The following ZNF790 variants were observed in gnomAD, a reference collection of about 807,000 sequenced individuals.
ZNF790 encodes the protein zinc finger protein 790.
ZNF790 carries 8 observed loss-of-function variants against 12.1 expected under a neutral mutation model. That is an observed-to-expected ratio of 0.66 (90% CI 0.39 to 1.19). The LOEUF is 1.19. Ranked by LOEUF, ZNF790 falls within the 50% of genes most tolerant of loss-of-function variation. ZNF790 has a pLI of 0.01. For synonymous variants in ZNF790, 252 were observed against 244.3 expected (o/e 1.03, Z -0.29); for missense variants, 707 against 752.2 (o/e 0.94, Z 0.70).
intron 1 of ZNF790, chr19:36,827,822 G>C (rs1345031029): frequency 6.6e-6 from 1 of 152,076 alleles, no homozygotes. Flanking sequence ...TAAAAAATAG[G>C]GTATAGAGTT....
At chr19:36,827,789 A>G (rs2071862560) in intron 1 of ZNF790, 1 of 152,228 alleles carries the variant, frequency 6.6e-6, no homozygotes, top group South Asian at 2.1e-4. Flanking sequence ...CGTATAAAGC[A>G]GGGATCCTGT....
chr19:36,844,297 CA>C (rs1340684129), intron 1 of ZNF790, among the ~76,000 whole-genome samples: 1 of 147,770 alleles, frequency 6.8e-6, no homozygotes, highest in African/African-American at 2.5e-5. Context: ...AGCAATAAAG[CA>C]AGACCCTGTC....
Position 36,819,663 on chromosome 19 carries a change from T to C in ZNF790, c.681A>G (p.Glu227=). 6.2e-7 allele frequency: 1 copy of C among 1,610,260 alleles called. No homozygotes were observed. The highest frequency in any genetic ancestry group is 8.5e-7 in the Non-Finnish European group (1 of 1,178,030). ...TAAAAGACTTCCCACATTCTTTACA[T>C]TCATATGTTTTCTTAACAGTGTGAA... is the stretch of plus-strand genomic sequence containing the variant. ...QTVHTVKKTY[E]CKECGKSFSL... Residue 227 remains glutamate (E), a synonymous_variant, in exon 5 of 5, where the codon GAA becomes GAG. Transcript: ENST00000356725.
At chr19:36,846,302 T>C (rs148319020) in intron 1 of ZNF790, among the ~76,000 whole-genome samples, 58 of 152,184 alleles carry the variant, frequency 3.8e-4, no homozygotes, top group Non-Finnish European at 4.6e-4. Context: ...CTCACGCCTG[T>C]AGTCCCAGCA....
chr19:36,831,277 A>T (rs2071940680), intron 1 of ZNF790, among the ~76,000 whole-genome samples: 2 of 152,224 alleles, frequency 1.3e-5, no homozygotes, highest in Admixed American at 1.3e-4. Flanking sequence ...ATTAAAAAAA[A>T]AGTATGATGC....
rs1055090078 is a variant in ZNF790, at chr19:36,823,519, C to A, written c.134-139G>T. 84 of 1,240,116 alleles carry A rather than the reference C, an allele frequency of 6.8e-5. 1 individual carries two copies. The highest frequency in any genetic ancestry group is 9.4e-5 in the Non-Finnish European group (83 of 880,590). 76.8% of individuals were successfully genotyped at this position (1,240,116 alleles called of 1,614,324 possible). A position where few individuals can be genotyped will look rare whatever the true frequency, so the allele number is the denominator to read the frequency against. On this transcript the variant is annotated intron_variant, in intron 3 of 4. Transcript: ENST00000356725. ...ATAAACTATGGGAAAGATGGAAGTG[C>A]CCACTGATGATAACTATTGCCAGAT...
At chr19:36,823,448 T>C (rs2071721303) in intron 3 of ZNF790, 68 bp from the exon 4 acceptor site, 1 of 1,476,958 alleles carries the variant, frequency 6.8e-7, no homozygotes, top group African/African-American at 1.4e-5. Flanking sequence ...ACTACTTCTT[T>C]GGTTACTAAG....
chr19:36,827,177 T>TAC (rs1555715612), intron 1 of ZNF790, among the ~76,000 whole-genome samples: 8 of 121,226 alleles, frequency 6.6e-5, no homozygotes, highest in East Asian at 4.7e-4. Flanking sequence ...TATATATATA[T>TAC]ACACTTACCA....
Position 36,817,673 on chromosome 19 carries a change from A to AG in ZNF790, c.*759_*760insC. ...TTAAGATACTTTCCAAAAAAAAAAA[A>AG]TAGAGGCAGGATGTATTGAAACAAG... On this transcript the variant is annotated 3_prime_UTR_variant, in exon 5 of 5. Coordinates refer to ENST00000356725, the MANE Select transcript of ZNF790 (RefSeq NM_206894.4). 1 of 151,150 alleles carries AG rather than the reference A, an allele frequency of 6.6e-6. No homozygotes were observed. Among genetic ancestry groups the AG allele is most frequent in the South Asian group, 2.1e-4 (1 of 4,742 alleles). The allele number at this position is 151,150 out of a possible 1,614,324, so 9.4% of individuals were successfully genotyped here.
intron 1 of ZNF790, among the ~76,000 whole-genome samples, chr19:36,827,286 G>A (rs955636038): frequency 1.3e-5 from 2 of 151,538 alleles, no homozygotes; most frequent in African/African-American, 4.8e-5. Context: ...ACCAGACCGG[G>A]AAGCAACAGC....
At position 36,823,753 on chromosome 19, in the gene ZNF790, TGA is replaced by T. The variant is rs1003250541; in HGVS notation, c.45_46del (p.Gln16GlyfsTer15). ...CAGGTCCAGGCACTCCCACTCCTCC[TGA>T]GAGAAATCTACAGCCACATCCCTGA... On this transcript the variant is annotated frameshift_variant, in exon 3 of 5. Coordinates refer to ENST00000356725, the MANE Select transcript of ZNF790 (RefSeq NM_206894.4). LOFTEE classifies it high-confidence loss of function. 1 of 1,613,068 alleles carries T rather than the reference TGA, an allele frequency of 6.2e-7. No individual in the cohort carries two copies. Among genetic ancestry groups the T allele is most frequent in the Non-Finnish European group, 8.5e-7 (1 of 1,179,674 alleles).
chr19:36,819,921 C>T lies in ZNF790; in HGVS notation c.423G>A (p.Val141=). ...QDNQEECFKQ[V]IRTCEKRPTF... ...TGGGCCTTTTTTCACAGGTGCGTATCACCTGCTTGAAGCATTCCTCTTGAT... is the reference window on the plus strand; with the variant it reads ...TGGGCCTTTTTTCACAGGTGCGTATTACCTGCTTGAAGCATTCCTCTTGAT... Residue 141 remains valine (V), a synonymous_variant, in exon 5 of 5, where the codon GTG becomes GTA. Coordinates refer to ENST00000356725, the MANE Select transcript of ZNF790 (RefSeq NM_206894.4). 6.2e-7 allele frequency: 1 copy of T among 1,614,108 alleles called. No homozygotes were observed. The highest frequency in any genetic ancestry group is 1.7e-4 in the Middle Eastern group (1 of 6,060).
chr19:36,848,333 T>C (rs1173665391), intron 1 of ZNF790, among the ~76,000 whole-genome samples: 2 of 152,246 alleles, frequency 1.3e-5, no homozygotes, highest in African/African-American at 4.8e-5. Context: ...CAATCGCTGC[T>C]GATTTAATTA....
rs201968129 is a variant in ZNF790 at position 36,819,271 on chromosome 19, C to T, written c.1073G>A (p.Arg358Lys). 1 of 1,613,052 alleles carries T rather than the reference C, an allele frequency of 6.2e-7. No individual in the cohort carries two copies. Among genetic ancestry groups the T allele is most frequent in the Non-Finnish European group, 8.5e-7 (1 of 1,179,428 alleles). ...TRGSHLTQHQ[R>K]IHTGEKSHEC... Reference sequence around the variant, plus strand: ...ATGAGATTTCTCACCAGTATGAATTCTCTGATGCTGAGTTAGGTGTGATCC... The same window carrying T: ...ATGAGATTTCTCACCAGTATGAATTTTCTGATGCTGAGTTAGGTGTGATCC... The change falls in exon 5 of 5, where the codon AGA (arginine) becomes AAA (lysine). Residue 358 changes from arginine (R) to lysine (K), a missense_variant. Arg to Lys is a conservative substitution (Grantham distance 26, BLOSUM62 2). Transcript: ENST00000356725.
intron 1 of ZNF790, among the ~76,000 whole-genome samples, chr19:36,844,921 G>A (rs1286673857): frequency 2.7e-5 from 4 of 148,896 alleles, no homozygotes; most frequent in Non-Finnish European, 4.5e-5. Context: ...AGTGGCGGGC[G>A]CCTGTAGTCC....
At chr19:36,847,285 TG>T (rs1166939561) in intron 1 of ZNF790, among the ~76,000 whole-genome samples, 1 of 151,572 alleles carries the variant, frequency 6.6e-6, no homozygotes, top group Non-Finnish European at 1.5e-5. Context: ...CGGGAGGCAG[TG>T]GTTGCAGTGA....
rs1269004806 is a variant in ZNF790, at chr19:36,818,944, C to T, written c.1400G>A (p.Arg467Gln). The change falls in exon 5 of 5, where the codon CGA (arginine) becomes CAA (glutamine). Residue 467 changes from arginine to glutamine, a missense_variant. Arg to Gln is a conservative substitution (Grantham distance 43). Coordinates refer to ENST00000356725, the MANE Select transcript of ZNF790 (RefSeq NM_206894.4). ...CTCACCAGTATGAATTTTCTGATGT[C>T]GATTAAACTCTGAGCCATGAAGAAA... ...KTFLHGSEFN[R>Q]HQKIHTGERN... 2.5e-6 allele frequency: 4 copies of T among 1,609,468 alleles called. No homozygotes were observed. Among genetic ancestry groups the T allele is most frequent in the African/African-American group, 1.3e-5 (1 of 74,646 alleles).
At chr19:36,822,131 C>A (rs995619802) in intron 4 of ZNF790, among the ~76,000 whole-genome samples, 7 of 151,730 alleles carry the variant, frequency 4.6e-5, no homozygotes, top group Non-Finnish European at 7.4e-5. Flanking sequence ...TTCTTTTAAA[C>A]CTAAAATAAG....
intron 3 of ZNF790, 46 bp from the exon 4 acceptor site, chr19:36,823,426 C>T (rs762198919): frequency 3.2e-6 from 5 of 1,568,086 alleles, no homozygotes; most frequent in Admixed American, 1.8e-5. Flanking sequence ...TGTAAAGATT[C>T]TAAAATTTGC....
Sources: gnomAD v4.1 joint callset for allele counts (sites outside exome capture counted in the v4.1 genomes callset) on GRCh38, gnomAD v4.1.1 for gene constraint, MANE v1.5 for transcripts, NCBI Gene and HGNC (gene_info 2026-07-23, HGNC 2026-07-21) for gene names.